Variants in LRRC1 observed in about 807,000 individuals in gnomAD.
LRRC1 encodes leucine-rich repeat-containing protein 1.
LRRC1 carries 28 observed loss-of-function variants against 69.9 expected under a neutral mutation model. The observed-to-expected ratio is 0.40, with a 90% CI of 0.30 to 0.55. LRRC1 has a LOEUF of 0.55. LRRC1 is among the 20% of genes least tolerant of loss of function. The pLI is 0.47. For synonymous variants in LRRC1, 236 were observed against 240.2 expected, an observed-to-expected ratio of 0.98 and a Z score of 0.16; for missense variants, 498 against 609.0, an observed-to-expected ratio of 0.82 and a Z score of 1.92.
chr6:53,846,622 T>C (rs1765954069), intron 2 of LRRC1, among the ~76,000 whole-genome samples: 2 of 152,038 alleles, frequency 1.3e-5, no homozygotes, highest in Non-Finnish European at 2.9e-5. Context: ...CTAAAACATA[T>C]ATGAGAAAAA....
chr6:53,857,361 C>T (rs1766344680), intron 2 of LRRC1, among the ~76,000 whole-genome samples: 1 of 152,182 alleles, frequency 6.6e-6, no homozygotes, highest in African/African-American at 2.4e-5. Flanking sequence ...AGCCAAGCAA[C>T]AGAACGACAG....
At chr6:53,856,214 G>A (rs369326390) in intron 2 of LRRC1, among the ~76,000 whole-genome samples, 4 of 152,214 alleles carry the variant, frequency 2.6e-5, no homozygotes, top group Admixed American at 6.5e-5. Flanking sequence ...GGACAGGAAC[G>A]AATTTTTAGA....
intron 6 of LRRC1, among the ~76,000 whole-genome samples, 173 bp downstream of exon 6, chr6:53,897,065 G>A (rs1767897766): frequency 6.6e-6 from 1 of 152,130 alleles, no homozygotes; most frequent in Non-Finnish European, 1.5e-5. Context: ...TCATGGGTGG[G>A]GGAGGTCAGG....
At chr6:53,918,565 T>C (rs1768641907) in intron 11 of LRRC1, among the ~76,000 whole-genome samples, 1 of 152,208 alleles carries the variant, frequency 6.6e-6, no homozygotes, top group African/African-American at 2.4e-5. Flanking sequence ...TTTAGAGAGT[T>C]CTAGTTTATT....
At chr6:53,896,994 C>A in intron 6 of LRRC1, 102 bp downstream of exon 6, 2 of 768,966 alleles carry the variant, frequency 2.6e-6, no homozygotes, top group Non-Finnish European at 4.4e-6. Context: ...AGTATTTCCA[C>A]AGATGTAACT....
chr6:53,874,060 A>G (rs1008103658), intron 2 of LRRC1, among the ~76,000 whole-genome samples: 3 of 152,186 alleles, frequency 2.0e-5, no homozygotes, highest in Non-Finnish European at 4.4e-5. Flanking sequence ...TTGCCTGAAC[A>G]GTGATGCTCA....
intron 1 of LRRC1, among the ~76,000 whole-genome samples, chr6:53,811,910 G>C (rs906765116): frequency 6.6e-6 from 1 of 152,246 alleles, no homozygotes; most frequent in African/African-American, 2.4e-5. Flanking sequence ...GGCCTGCTGT[G>C]TGCCTTAGGC....
At chr6:53,825,275 GT>G (rs1216983142) in intron 1 of LRRC1, among the ~76,000 whole-genome samples, 1 of 152,200 alleles carries the variant, frequency 6.6e-6, no homozygotes, top group African/African-American at 2.4e-5. Context: ...CACTTTGGAT[GT>G]TTTTGTAGGT....
chr6:53,861,529 G>A (rs1444442486), intron 2 of LRRC1, among the ~76,000 whole-genome samples: 2 of 150,924 alleles, frequency 1.3e-5, no homozygotes, highest in Non-Finnish European at 2.9e-5. Flanking sequence ...CTTTAAGCGG[G>A]TCAGATGATT....
At chr6:53,832,977 A>G (rs1765472498) in intron 1 of LRRC1, among the ~76,000 whole-genome samples, 1 of 152,178 alleles carries the variant, frequency 6.6e-6, no homozygotes, top group South Asian at 2.1e-4. Context: ...TAATGGCCAT[A>G]TAATAGTTCA....
intron 1 of LRRC1, among the ~76,000 whole-genome samples, chr6:53,813,124 G>A (rs1271007394): frequency 6.6e-6 from 1 of 152,092 alleles, no homozygotes; most frequent in Non-Finnish European, 1.5e-5. Context: ...GGAATGGGTG[G>A]GCAGAAAGAA....
intron 2 of LRRC1, among the ~76,000 whole-genome samples, chr6:53,865,849 G>A (rs1344538057): frequency 6.6e-6 from 1 of 151,762 alleles, no homozygotes; most frequent in African/African-American, 2.4e-5. Flanking sequence ...AGCCTCCTGA[G>A]TAGCTGGGAT....
At chr6:53,907,610 G>A (rs1254569167) in intron 10 of LRRC1, among the ~76,000 whole-genome samples, 1 of 152,154 alleles carries the variant, frequency 6.6e-6, no homozygotes, top group African/African-American at 2.4e-5. Context: ...TATCTTGTAA[G>A]TATTGTTCAG....
At chr6:53,875,115 A>G (rs1407256001) in intron 2 of LRRC1, among the ~76,000 whole-genome samples, 2 of 152,346 alleles carry the variant, frequency 1.3e-5, no homozygotes, top group East Asian at 3.9e-4. Context: ...TGCTGCTCGC[A>G]AAAGCAATTT....
chr6:53,913,337 G>A (rs1044755346), intron 10 of LRRC1, among the ~76,000 whole-genome samples: 2 of 151,304 alleles, frequency 1.3e-5, no homozygotes, highest in Non-Finnish European at 2.9e-5. Flanking sequence ...TGTATCATCT[G>A]TAAGATACCC....
chr6:53,866,678 A>T lies in LRRC1; in HGVS notation c.278-12315A>T, dbSNP rs149966614. On this transcript the variant is annotated intron_variant, in intron 2 of 13. Transcript: ENST00000370888. ...TTGCCTTTTTATTAGTGCTACATTA[A>T]GTAAGAAATAATTATGAAACATTTT... Among the ~76,000 whole-genome samples, 191 of 152,284 alleles carry T rather than the reference A, an allele frequency of 1.3e-3. 3 individuals carry two copies. Among genetic ancestry groups the T allele is most frequent in the African/African-American group, 4.5e-3 (186 of 41,512 alleles).
At chr6:53,813,540 T>TTTG in intron 1 of LRRC1, among the ~76,000 whole-genome samples, 1 of 145,156 alleles carries the variant, frequency 6.9e-6, no homozygotes, top group Non-Finnish European at 1.5e-5. Context: ...TCAGTGGTTT[T>TTTG]TTTTTTTTTC....
intron 10 of LRRC1, among the ~76,000 whole-genome samples, chr6:53,906,838 A>C (rs748980280): frequency 2.0e-5 from 3 of 152,224 alleles, no homozygotes; most frequent in African/African-American, 7.2e-5. Flanking sequence ...CTGTCTGATA[A>C]AGCAGAGAAT....
intron 11 of LRRC1, among the ~76,000 whole-genome samples, chr6:53,915,377 A>G (rs1271110310): frequency 2.6e-5 from 4 of 152,210 alleles, no homozygotes; most frequent in Non-Finnish European, 5.9e-5. Context: ...GGACATCTTG[A>G]TAGATTCTTA....
Sources: gnomAD v4.1 joint callset for allele counts (sites outside exome capture counted in the v4.1 genomes callset) on GRCh38, gnomAD v4.1.1 for gene constraint, MANE v1.5 for transcripts, NCBI Gene and HGNC (gene_info 2026-07-23, HGNC 2026-07-21) for gene names.